Variants in CEP85L observed in about 807,000 individuals in gnomAD.
CEP85L encodes centrosomal protein 85L, also known as centrosomal protein of 85 kDa-like.
CEP85L carries 60 observed loss-of-function variants against 100.3 expected under a neutral mutation model. The ratio of observed to expected loss-of-function variants is 0.60; its 90% CI spans 0.49 to 0.74. CEP85L has a LOEUF of 0.74. CEP85L is among the 30% of genes least tolerant of loss of function. The probability of loss-of-function intolerance (pLI) is 0.00; values close to 1 mark genes in which losing one functional copy is unlikely to be tolerated. For synonymous variants in CEP85L, 319 were observed against 322.7 expected, an observed-to-expected ratio of 0.99 and a Z score of 0.12; for missense variants, 973 against 936.2, an observed-to-expected ratio of 1.04 and a Z score of -0.51.
chr6:118,618,379 C>T (rs1375061840), intron 2 of CEP85L, among the ~76,000 whole-genome samples: 4 of 152,158 alleles, frequency 2.6e-5, no homozygotes, highest in African/African-American at 9.7e-5. Context: ...CAGGTGTTGC[C>T]ATCTGATGGC....
chr6:118,486,755 T>A (rs1247928181), intron 6 of CEP85L, among the ~76,000 whole-genome samples: 3 of 152,266 alleles, frequency 2.0e-5, no homozygotes, highest in Non-Finnish European at 4.4e-5. Context: ...AAGCTACTCC[T>A]CTTCTTTTCG....
At chr6:118,599,202 T>G (rs961251388) in intron 2 of CEP85L, among the ~76,000 whole-genome samples, 1 of 152,014 alleles carries the variant, frequency 6.6e-6, no homozygotes, top group Non-Finnish European at 1.5e-5. Context: ...AGCTCATTGG[T>G]GAAATGATTG....
At chr6:118,556,412 G>T (rs978350294) in intron 3 of CEP85L, among the ~76,000 whole-genome samples, 14 of 152,138 alleles carry the variant, frequency 9.2e-5, no homozygotes, top group African/African-American at 2.9e-4. Context: ...AGCCAAAAAT[G>T]CCCAGTCTAC....
chr6:118,664,332 A>G (rs1276017172), intron 1 of CEP85L: 1 of 152,250 alleles, frequency 6.6e-6, no homozygotes, highest in East Asian at 1.9e-4. Flanking sequence ...CTTTGAAAAT[A>G]GTGAGACAGA....
chr6:118,505,451 G>A (rs1156477525), intron 5 of CEP85L, among the ~76,000 whole-genome samples: 1 of 122,990 alleles, frequency 8.1e-6, no homozygotes, highest in Non-Finnish European at 1.7e-5. Flanking sequence ...TAACACAGAT[G>A]CTTCTACTAT....
At chr6:118,503,846 A>AAAG (rs1163490965) in intron 5 of CEP85L, among the ~76,000 whole-genome samples, 1 of 149,856 alleles carries the variant, frequency 6.7e-6, no homozygotes, top group Non-Finnish European at 1.5e-5. Context: ...AAAAAAAAAA[A>AAAG]GGTAGAAAAT....
intron 2 of CEP85L, among the ~76,000 whole-genome samples, chr6:118,619,162 T>C (rs1238658949): frequency 1.3e-5 from 2 of 151,866 alleles, no homozygotes; most frequent in Non-Finnish European, 2.9e-5. Flanking sequence ...AAAATTCCAG[T>C]TGGGCACCAC....
intron 10 of CEP85L, among the ~76,000 whole-genome samples, chr6:118,479,057 A>G (rs762615714): frequency 1.2e-4 from 18 of 152,216 alleles, no homozygotes; most frequent in Non-Finnish European, 1.9e-4. Flanking sequence ...CATAAGTCAC[A>G]TAACAATAGC....
chr6:118,486,850 C>G (rs952195682), intron 6 of CEP85L, among the ~76,000 whole-genome samples: 9 of 152,124 alleles, frequency 5.9e-5, no homozygotes, highest in Admixed American at 5.9e-4. Context: ...TCTTTGATCT[C>G]TCTCTCTCTC....
At chr6:118,661,241 A>T (rs1183362724) in intron 1 of CEP85L, among the ~76,000 whole-genome samples, 2 of 152,230 alleles carry the variant, frequency 1.3e-5, no homozygotes, top group Admixed American at 6.5e-5. Context: ...GTAAAATATG[A>T]TTACCATATA....
At chr6:118,690,654 G>C (rs1448553610) in intron 1 of CEP85L, among the ~76,000 whole-genome samples, 1 of 152,224 alleles carries the variant, frequency 6.6e-6, no homozygotes, top group Non-Finnish European at 1.5e-5. Context: ...GCTGCTGGTG[G>C]CCATTTTTGC....
chr6:118,546,011 G>T (rs1210365019), intron 3 of CEP85L, among the ~76,000 whole-genome samples: 1 of 148,580 alleles, frequency 6.7e-6, no homozygotes, highest in Non-Finnish European at 1.5e-5. Flanking sequence ...AAATTTTCTA[G>T]CCTCTAGCTG....
intron 1 of CEP85L, among the ~76,000 whole-genome samples, chr6:118,696,072 A>G (rs1179652712): frequency 6.6e-6 from 1 of 152,166 alleles, no homozygotes; most frequent in Non-Finnish European, 1.5e-5. Context: ...CGAGTTCGAG[A>G]CCAGCCTAGC....
intron 5 of CEP85L, among the ~76,000 whole-genome samples, chr6:118,503,398 C>T (rs962085942): frequency 5.9e-5 from 9 of 152,110 alleles, no homozygotes; most frequent in African/African-American, 2.2e-4. Flanking sequence ...ACAATCCCAA[C>T]CAAAATCCTA....
chr6:118,502,098 C>A, intron 5 of CEP85L: 2 of 968,376 alleles, frequency 2.1e-6, no homozygotes, highest in Non-Finnish European at 3.1e-6. Flanking sequence ...CAGAATACTG[C>A]CCTATGAGAC....
intron 2 of CEP85L, among the ~76,000 whole-genome samples, chr6:118,608,529 TA>T (rs1381144250): frequency 6.6e-6 from 1 of 151,940 alleles, no homozygotes; most frequent in Non-Finnish European, 1.5e-5. Context: ...CCTAAGAATA[TA>T]AAATTAATCT....
At chr6:118,675,987 C>T (rs1179673538) in intron 1 of CEP85L, among the ~76,000 whole-genome samples, 1 of 152,074 alleles carries the variant, frequency 6.6e-6, no homozygotes, top group Non-Finnish European at 1.5e-5. Context: ...CAAAGAAGAT[C>T]AAGCCAAGTT....
chr6:118,534,759 C>A (rs943622333), intron 3 of CEP85L, among the ~76,000 whole-genome samples: 1 of 152,082 alleles, frequency 6.6e-6, no homozygotes, highest in African/African-American at 2.4e-5. Flanking sequence ...GTCAGTCATG[C>A]CTGTAATCCC....
intron 2 of CEP85L, among the ~76,000 whole-genome samples, chr6:118,631,771 T>C (rs1583197954): frequency 6.6e-6 from 1 of 151,964 alleles, no homozygotes; most frequent in East Asian, 1.9e-4. Context: ...AAATGGAGAG[T>C]AAATGGCTTC....
Sources: gnomAD v4.1 joint callset for allele counts (sites outside exome capture counted in the v4.1 genomes callset) on GRCh38, gnomAD v4.1.1 for gene constraint, MANE v1.5 for transcripts, NCBI Gene and HGNC (gene_info 2026-07-23, HGNC 2026-07-21) for gene names.